The following ZNF160 variants were observed in gnomAD, a reference collection of about 807,000 sequenced individuals.
The protein encoded by ZNF160 is KRAB zinc finger protein KR18.
In ZNF160, 9 loss-of-function variants were observed where a neutral mutation model predicts 13.1. The observed-to-expected ratio is 0.69, with a 90% CI of 0.41 to 1.20. ZNF160 has a LOEUF of 1.20. Among genes scored for constraint, ZNF160 ranks in the 50% most tolerant of loss-of-function variants. The pLI is 0.01. For missense variants in ZNF160, 838 were observed against 988.0 expected, an observed-to-expected ratio of 0.85 and a Z score of 2.04; for synonymous variants, 293 against 333.2, an observed-to-expected ratio of 0.88 and a Z score of 1.31.
At chr19:53,079,674 A>AAAAAG (rs2084550486) in intron 3 of ZNF160, among the ~76,000 whole-genome samples, 1 of 151,376 alleles carries the variant, frequency 6.6e-6, no homozygotes. Flanking sequence ...AAAAAAAAAA[A>AAAAAG]AGGGACTGCA....
At chr19:53,073,802 T>A (rs1028200118) in intron 5 of ZNF160, among the ~76,000 whole-genome samples, 2 of 147,654 alleles carry the variant, frequency 1.4e-5, no homozygotes, top group Non-Finnish European at 3.0e-5. Context: ...TTATTTATTT[T>A]GAGACGGAGT....
At chr19:53,091,866 A>T (rs2085048964) in intron 1 of ZNF160, 146 bp from the exon 2 acceptor site, 1 of 152,202 alleles carries the variant, frequency 6.6e-6, no homozygotes, top group Non-Finnish European at 1.5e-5. Flanking sequence ...TTCCCCGCGC[A>T]CTCAGGAAGG....
intron 3 of ZNF160, chr19:53,077,243 T>C (rs1445504045): frequency 3.9e-5 from 6 of 152,200 alleles, no homozygotes; most frequent in Non-Finnish European, 7.3e-5. Flanking sequence ...GGAGGACGCA[T>C]CCTTAGAAAA....
chr19:53,071,349 G>A (rs530323709), intron 5 of ZNF160, among the ~76,000 whole-genome samples: 3 of 151,928 alleles, frequency 2.0e-5, no homozygotes, highest in East Asian at 3.9e-4. Context: ...TCAGGAGTTC[G>A]AGACCAGCCT....
chr19:53,068,075 ACTCATTT>A lies in ZNF160; in HGVS notation c.2452_*1del. 1 of 1,595,146 alleles carries A rather than the reference ACTCATTT, an allele frequency of 6.3e-7. No homozygotes were observed. The highest frequency in any genetic ancestry group is 8.5e-7 in the Non-Finnish European group (1 of 1,169,966). ...GAATTGTACCTAATGACCTCACCAC[ACTCATTT>A]GTAAGGTTTCTCTCCGGTATGCATT... is the stretch of plus-strand genomic sequence containing the variant. On this transcript the variant is annotated stop_lost and 3_prime_UTR_variant, in exon 6 of 6. Coordinates refer to ENST00000683776, the MANE Select transcript of ZNF160 (RefSeq NM_001322131.2).
intron 2 of ZNF160, among the ~76,000 whole-genome samples, chr19:53,088,258 G>C (rs1159941237): frequency 6.6e-6 from 1 of 152,182 alleles, no homozygotes; most frequent in African/African-American, 2.4e-5. Context: ...AAAAGATGAG[G>C]ACAGGACATG....
intron 3 of ZNF160, among the ~76,000 whole-genome samples, chr19:53,084,528 C>CA (rs2084758188): frequency 6.6e-6 from 1 of 152,098 alleles, no homozygotes; most frequent in Non-Finnish European, 1.5e-5. Flanking sequence ...GACCCTGTCT[C>CA]AAAAAATGTA....
At chr19:53,072,464 A>G (rs1473521129) in intron 5 of ZNF160, among the ~76,000 whole-genome samples, 1 of 152,222 alleles carries the variant, frequency 6.6e-6, no homozygotes, top group Non-Finnish European at 1.5e-5. Context: ...AAATCAACTA[A>G]TAAGATATTC....
Position 53,078,024 on chromosome 19 carries a change from G to A in ZNF160, c.16-2841C>T, listed in dbSNP as rs576981245. On this transcript the variant is annotated intron_variant, in intron 3 of 5. Coordinates refer to ENST00000683776, the MANE Select transcript of ZNF160 (RefSeq NM_001322131.2). ...TGGGAGGCTAAGGCGGGCGGATCAC[G>A]AGGTCAGAAGTTCGAGACCAGCCTG... is the stretch of plus-strand genomic sequence containing the variant. 2.8e-3 allele frequency among the ~76,000 whole-genome samples: 424 copies of A among 152,154 alleles called. 1 individual carries two copies. Among genetic ancestry groups the A allele is most frequent in the Non-Finnish European group, 5.2e-3 (356 of 67,990 alleles).
intron 4 of ZNF160, 38 bp from the exon 5 acceptor site, chr19:53,074,306 T>C (rs780205344): frequency 6.2e-7 from 1 of 1,608,716 alleles, no homozygotes; most frequent in Non-Finnish European, 8.5e-7. Flanking sequence ...GTGCCGGGGC[T>C]TTTCCAGAAT....
At chr19:53,071,681 A>T (rs974085281) in intron 5 of ZNF160, among the ~76,000 whole-genome samples, 6 of 152,186 alleles carry the variant, frequency 3.9e-5, no homozygotes, top group Non-Finnish European at 1.5e-5. Flanking sequence ...ATAAAAAAAA[A>T]ATCGGGCAGC....
At chr19:53,076,508 A>G (rs1239616102) in intron 3 of ZNF160, among the ~76,000 whole-genome samples, 1 of 152,114 alleles carries the variant, frequency 6.6e-6, no homozygotes, top group African/African-American at 2.4e-5. Flanking sequence ...GCGTGGTGGC[A>G]GGCGCCTGTA....
At chr19:53,083,514 G>A (rs2084713200) in intron 3 of ZNF160, among the ~76,000 whole-genome samples, 1 of 152,136 alleles carries the variant, frequency 6.6e-6, no homozygotes, top group Admixed American at 6.5e-5. Flanking sequence ...AAGATAAACT[G>A]AACAAATAAT....
intron 1 of ZNF160, among the ~76,000 whole-genome samples, chr19:53,097,435 C>CCA (rs2085279999): frequency 1.3e-5 from 2 of 151,260 alleles, no homozygotes; most frequent in Admixed American, 6.6e-5. Flanking sequence ...CCCACACTCC[C>CCA]CATATACTTC....
At chr19:53,086,868 G>T (rs978257943) in intron 2 of ZNF160, among the ~76,000 whole-genome samples, 1 of 152,202 alleles carries the variant, frequency 6.6e-6, no homozygotes, top group Non-Finnish European at 1.5e-5. Flanking sequence ...GCTCCACTGA[G>T]GGGGTGAGCC....
chr19:53,097,431 C>CTCCCCATATACTTCATAAAGATCCCACAA (rs2085279813), intron 1 of ZNF160, among the ~76,000 whole-genome samples: 8 of 151,236 alleles, frequency 5.3e-5, no homozygotes, highest in African/African-American at 1.7e-4. Flanking sequence ...AACTCCCACA[C>CTCCCCATATACTTCATAAAGATCCCACAA]TCCCCATATA....
intron 2 of ZNF160, among the ~76,000 whole-genome samples, chr19:53,090,818 G>C (rs897160346): frequency 6.6e-6 from 1 of 152,216 alleles, no homozygotes; most frequent in South Asian, 2.1e-4. Flanking sequence ...CGAGGCTTAG[G>C]GGACCCAAAG....
Position 53,069,096 on chromosome 19 carries a change from G to A in ZNF160, c.1438C>T (p.Pro480Ser). The A allele has an allele frequency of 1.2e-6, 2 of 1,614,128 alleles. No individual in the cohort carries two copies. The highest frequency in any genetic ancestry group is 1.7e-6 in the Non-Finnish European group (2 of 1,180,028). Residue 480 changes from proline to serine, a missense_variant, in exon 6 of 6, where the codon CCT becomes TCT. Coordinates refer to ENST00000683776, the MANE Select transcript of ZNF160 (RefSeq NM_001322131.2). The surrounding 1 kb of genome is among the most constrained non-coding windows in gnomAD (Gnocchi z 4.4). ...TTGCTGCATTCATTGCATTTGAAAG[G>A]TTTTGTTCCAGTATGGATGACCTGA... Reference protein sequence around the residue: ...THQVIHTGTKPFKCNECSKVF... With the variant: ...THQVIHTGTKSFKCNECSKVF...
rs2084069355 is a variant in ZNF160 at position 53,069,148 on chromosome 19, G to T, written c.1386C>A (p.Phe462Leu). The change falls in exon 6 of 6, where the codon TTC becomes TTA. Residue 462 changes from phenylalanine to leucine, a missense_variant. By Grantham distance (22) the Phe-to-Leu change is conservative. This residue lies in a region of ZNF160 where 400 missense variants were observed against 538.9 expected (regional missense o/e 0.74). Transcript: ENST00000683776. The surrounding 1 kb of genome is among the most constrained non-coding windows in gnomAD (Gnocchi z 4.4). ...GGGTAGCTAGGTTTGAATGCATACTGAAGGCTTTGCCACATTCATTACACT... is the reference window on the plus strand; with the variant it reads ...GGGTAGCTAGGTTTGAATGCATACTTAAGGCTTTGCCACATTCATTACACT... ...PYKCNECGKA[F>L]SMHSNLATHQ... 6.2e-7 allele frequency: 1 copy of T among 1,613,922 alleles called. No individual in the cohort carries two copies. Among genetic ancestry groups the T allele is most frequent in the Non-Finnish European group, 8.5e-7 (1 of 1,179,952 alleles).
Sources: gnomAD v4.1 joint callset for allele counts (sites outside exome capture counted in the v4.1 genomes callset) on GRCh38, gnomAD v4.1.1 for gene constraint, gnomAD v4.1.1 regional missense constraint, Gnocchi (gnomAD v3.1) non-coding constraint, MANE v1.5 for transcripts, NCBI Gene and HGNC (gene_info 2026-07-23, HGNC 2026-07-21) for gene names.